Variants in ZNF90 observed in about 807,000 individuals in gnomAD.
ZNF90 encodes the protein zinc finger protein 90, also known as zinc finger protein HTF9.
In ZNF90, 11 loss-of-function variants were observed where a neutral mutation model predicts 12.0. The ratio of observed to expected loss-of-function variants is 0.92; its 90% confidence interval spans 0.58 to 1.52. ZNF90 has a LOEUF of 1.52. ZNF90 is among the 40% of genes most tolerant of loss of function. The probability of loss-of-function intolerance (pLI) is 0.00; values close to 1 mark genes in which losing one functional copy is unlikely to be tolerated. For missense variants in ZNF90, 765 were observed against 711.5 expected, an observed-to-expected ratio of 1.08 and a Z score of -0.86; for synonymous variants, 232 against 240.1, an observed-to-expected ratio of 0.97 and a Z score of 0.31.
intron 1 of ZNF90, among the ~76,000 whole-genome samples, chr19:20,099,540 T>A (rs902574149): frequency 6.6e-6 from 1 of 152,242 alleles, no homozygotes; most frequent in African/African-American, 2.4e-5. Flanking sequence ...GGAAACCTGC[T>A]GGACACTGGT....
intron 1 of ZNF90, among the ~76,000 whole-genome samples, chr19:20,079,047 A>G (rs2088800290): frequency 6.9e-6 from 1 of 145,556 alleles, no homozygotes; most frequent in Admixed American, 7.2e-5. Context: ...TGAACTCGGG[A>G]GGCAGAGGTT....
At chr19:20,100,490 G>A (rs566664355) in intron 1 of ZNF90, among the ~76,000 whole-genome samples, 1 of 152,144 alleles carries the variant, frequency 6.6e-6, no homozygotes, top group Non-Finnish European at 1.5e-5. Context: ...GGAGCCTCAG[G>A]TGCAGTCCAT....
chr19:20,110,180 C>T (rs568730192), intron 3 of ZNF90, among the ~76,000 whole-genome samples: 107 of 152,156 alleles, frequency 7.0e-4, no homozygotes, highest in African/African-American at 2.5e-3. Flanking sequence ...GTTTATAAAT[C>T]GGGAGACATC....
In ZNF90 at chr19:20,117,851, A is replaced by G; in HGVS notation, c.297A>G (p.Ile99Met). The G allele has an allele frequency of 6.2e-7, 1 of 1,604,846 alleles. No homozygotes were observed. The highest frequency in any genetic ancestry group is 8.5e-7 in the Non-Finnish European group (1 of 1,176,118). The change falls in exon 4 of 4, where the codon ATA becomes ATG. Residue 99 changes from isoleucine (I) to methionine (M), a missense_variant. Physicochemically the swap from Ile to Met is conservative, Grantham distance 10 (BLOSUM62 1). Coordinates refer to ENST00000418063, the MANE Select transcript of ZNF90 (RefSeq NM_007138.2). ...TAAAAGATTCCTTCCAAAAAGTGATAGTGACAAGATATGAAAAACGTGAAT... is the reference window on the plus strand; with the variant it reads ...TAAAAGATTCCTTCCAAAAAGTGATGGTGACAAGATATGAAAAACGTGAAT... ...QSLKDSFQKVIVTRYEKREYG... is the reference protein window; with the variant it reads ...QSLKDSFQKVMVTRYEKREYG...
chr19:20,104,544 T>C (rs1378222183), intron 2 of ZNF90, among the ~76,000 whole-genome samples, 179 bp downstream of exon 2: 3 of 152,238 alleles, frequency 2.0e-5, no homozygotes, highest in Non-Finnish European at 4.4e-5. Flanking sequence ...CATCTTAATT[T>C]AAACTTTCCA....
chr19:20,113,753 G>A (rs1224701744), intron 3 of ZNF90, among the ~76,000 whole-genome samples: 6 of 151,946 alleles, frequency 3.9e-5, no homozygotes, highest in Admixed American at 2.0e-4. Flanking sequence ...GAGTGAACCC[G>A]GGAGGCAGAG....
chr19:20,081,127 G>C (rs1012731645), intron 1 of ZNF90, among the ~76,000 whole-genome samples: 2 of 152,102 alleles, frequency 1.3e-5, no homozygotes, highest in Non-Finnish European at 2.9e-5. Context: ...ACACACACTA[G>C]ACATAGACGT....
At chr19:20,113,351 C>T (rs1725933) in intron 3 of ZNF90, among the ~76,000 whole-genome samples, 17,445 of 151,908 alleles carry the variant, frequency 0.11, 1,700 homozygotes, top group East Asian at 0.51. Flanking sequence ...CTACAACGCC[C>T]GCCTAATTTC....
intron 1 of ZNF90, among the ~76,000 whole-genome samples, chr19:20,083,581 C>T (rs141536481): frequency 1.1e-4 from 17 of 152,260 alleles, no homozygotes; most frequent in Non-Finnish European, 2.2e-4. Context: ...CCCACTTCAG[C>T]CTCCCAAAGT....
At chr19:20,109,843 A>G (rs1335277639) in intron 3 of ZNF90, among the ~76,000 whole-genome samples, 7 of 150,980 alleles carry the variant, frequency 4.6e-5, no homozygotes, top group African/African-American at 1.7e-4. Flanking sequence ...TCTGTCTCCA[A>G]AAAAAAAAGC....
intron 3 of ZNF90, among the ~76,000 whole-genome samples, chr19:20,106,215 A>T (rs1599649757): frequency 6.6e-6 from 1 of 151,882 alleles, no homozygotes; most frequent in East Asian, 1.9e-4. Flanking sequence ...TGTTTTGCTA[A>T]TTTACTGAGT....
chr19:20,080,869 G>A (rs181396385), intron 1 of ZNF90, among the ~76,000 whole-genome samples: 5 of 151,910 alleles, frequency 3.3e-5, no homozygotes, highest in African/African-American at 4.9e-5. Flanking sequence ...GTTGTTTGAC[G>A]TTCAGCAAAC....
At chr19:20,090,766 A>G (rs1008841474) in intron 1 of ZNF90, among the ~76,000 whole-genome samples, 1 of 152,202 alleles carries the variant, frequency 6.6e-6, no homozygotes, top group African/African-American at 2.4e-5. Flanking sequence ...AAGTGCGTCC[A>G]TATAAAAGTT....
chr19:20,097,946 G>T (rs2088961649), intron 1 of ZNF90, among the ~76,000 whole-genome samples: 1 of 152,162 alleles, frequency 6.6e-6, no homozygotes, highest in Non-Finnish European at 1.5e-5. Context: ...ACAACTTTGT[G>T]TCAGCCCACT....
chr19:20,107,713 T>C (rs2089052240), intron 3 of ZNF90, among the ~76,000 whole-genome samples: 1 of 152,240 alleles, frequency 6.6e-6, no homozygotes, highest in South Asian at 2.1e-4. Flanking sequence ...GATGTCACTC[T>C]CCATATACAT....
Position 20,118,384 on chromosome 19 carries a change from G to T in ZNF90, c.830G>T (p.Arg277Ile), listed in dbSNP as rs782774225. The T allele has an allele frequency of 6.2e-6, 10 of 1,601,462 alleles. No individual in the cohort carries two copies. The South Asian group carries it at 1.1e-4, about 18-fold the overall frequency. The change falls in exon 4 of 4, where the codon AGA becomes ATA. Residue 277 changes from arginine (R) to isoleucine (I), a missense_variant. Arg to Ile is a moderately conservative substitution (Grantham distance 97, BLOSUM62 -3). Transcript: ENST00000418063. ...KYSSTLTAHK[R>I]IHTGEKPYKC... is the part of the protein sequence containing the mutation. ...TCCTCTACCCTTACTGCACATAAGA[G>T]AATTCATACTGGAGAGAAACCCTAC...
chr19:20,102,755 C>T (rs896878714), intron 1 of ZNF90, among the ~76,000 whole-genome samples: 1 of 152,066 alleles, frequency 6.6e-6, no homozygotes, highest in East Asian at 1.9e-4. Context: ...TGTTGAGGCT[C>T]CATCTGTGTT....
chr19:20,104,472 G>A (rs929313325), intron 2 of ZNF90, 107 bp downstream of exon 2: 59 of 1,269,574 alleles, frequency 4.6e-5, no homozygotes, highest in Non-Finnish European at 5.9e-5. Flanking sequence ...GAGAGTTTTA[G>A]ATCCCCCTTT....
At chr19:20,101,248 C>T (rs1423061827) in intron 1 of ZNF90, among the ~76,000 whole-genome samples, 2 of 152,206 alleles carry the variant, frequency 1.3e-5, no homozygotes, top group Non-Finnish European at 2.9e-5. Flanking sequence ...GCACTGAACA[C>T]TAGTCGCTGG....
Sources: allele counts gnomAD v4.1 joint callset (sites outside exome capture counted in the v4.1 genomes callset), GRCh38; gene constraint gnomAD v4.1.1; transcripts MANE v1.5; gene names NCBI Gene and HGNC (gene_info 2026-07-23, HGNC 2026-07-21).